The following SNRNP200 variants were observed in gnomAD, a reference collection of about 807,000 sequenced individuals.
The protein encoded by SNRNP200 is U5 small nuclear ribonucleoprotein 200 kDa helicase.
In SNRNP200, 66 loss-of-function variants were observed where a neutral mutation model predicts 255.2. The observed-to-expected ratio is 0.26, with a 90% confidence interval of 0.21 to 0.32. The LOEUF is 0.32. Among genes scored for constraint, SNRNP200 ranks in the 10% least tolerant of loss-of-function variants. The probability of loss-of-function intolerance (pLI) is 1.00; values close to 1 mark genes in which losing one functional copy is unlikely to be tolerated. For missense variants in SNRNP200, 1,585 were observed against 2,749.8 expected (o/e 0.58, Z 9.47); for synonymous variants, 939 against 1,027.8 (o/e 0.91, Z 1.65).
At chr2:96,275,875 G>A (rs577787938) in intron 43 of SNRNP200, among the ~76,000 whole-genome samples, 4 of 152,326 alleles carry the variant, frequency 2.6e-5, no homozygotes, top group East Asian at 1.9e-4. Context: ...GCATGGTGGC[G>A]GGTGCCTGTA....
At chr2:96,281,778 A>C in intron 35 of SNRNP200, 36 bp downstream of exon 35, 1 of 1,408,336 alleles carries the variant, frequency 7.1e-7, no homozygotes, top group South Asian at 1.1e-5. Flanking sequence ...TTTAGGAAGG[A>C]GGTCTGTGCT....
rs765045704 is a variant in SNRNP200 at position 96,278,203 on chromosome 2, C to T, written c.5610+34G>A. 8 of 1,613,918 alleles carry T rather than the reference C, an allele frequency of 5.0e-6. No homozygotes were observed. In the South Asian group the frequency reaches 8.8e-5, roughly 18 times the overall value. ...GGGCACACAGGCCGAGTTTGTTGTTCCCAGGATGCTCTCCTGAAGTCTGCT... is the reference window on the plus strand; with the variant it reads ...GGGCACACAGGCCGAGTTTGTTGTTTCCAGGATGCTCTCCTGAAGTCTGCT... On this transcript the variant is annotated intron_variant, in intron 39 of 44. Coordinates refer to ENST00000323853, the MANE Select transcript of SNRNP200 (RefSeq NM_014014.5). This position sits in a 1 kb window ranked among gnomAD's most constrained non-coding sequence, Gnocchi z 6.9.
chr2:96,287,654 AAC>A lies in SNRNP200; in HGVS notation c.3366-99_3366-98del, dbSNP rs373023905. The A allele has an allele frequency of 1.9e-5, 19 of 1,019,554 alleles. No homozygotes were observed. The South Asian group carries it at 2.4e-4, about 13-fold the overall frequency. The allele number at this position is 1,019,554 out of a possible 1,614,324, so 63.2% of individuals were successfully genotyped here. ...CAATAGTTTAGCAGTGACTACACAA[AAC>A]ACAGTCATTAAAGGCAGACACTGAC... On this transcript the variant is annotated intron_variant, in intron 25 of 44. Coordinates refer to ENST00000323853, the MANE Select transcript of SNRNP200 (RefSeq NM_014014.5). This position sits in a 1 kb window ranked among gnomAD's most constrained non-coding sequence, Gnocchi z 5.7.
rs918895374 is a variant in SNRNP200 at position 96,295,755 on chromosome 2, G to A, written c.1672-97C>T. 7 of 1,274,998 alleles carry A rather than the reference G, an allele frequency of 5.5e-6. No homozygotes were observed. In the South Asian group the frequency reaches 7.5e-5, roughly 14 times the overall value. 79.0% of individuals were successfully genotyped at this position (1,274,998 alleles called of 1,614,324 possible). A position where few individuals can be genotyped will look rare whatever the true frequency, so the allele number is the denominator to read the frequency against. On this transcript the variant is annotated intron_variant, in intron 13 of 44. Coordinates refer to ENST00000323853, the MANE Select transcript of SNRNP200 (RefSeq NM_014014.5). ...TTGGAGTGTAGGGCATTGGGAGCAG[G>A]TATCAACCCATCAGGTGAATACAAG...
At position 96,284,598 on chromosome 2, in the gene SNRNP200, G is replaced by A. The variant is rs1271345367; in HGVS notation, c.4165-13C>T. On this transcript the variant is annotated splice_polypyrimidine_tract_variant and intron_variant, in intron 30 of 44. Transcript: ENST00000323853. ...AGTCCATGTATACCTGGCGGGCAGA[G>A]GAGGGAGGCAGAACAACACTAGGCC... is the stretch of plus-strand genomic sequence containing the variant. The A allele has an allele frequency of 6.3e-7, 1 of 1,592,384 alleles. No individual in the cohort carries two copies. The highest frequency in any genetic ancestry group is 8.6e-7 in the Non-Finnish European group (1 of 1,160,208).
chr2:96,280,256 G>A (rs572100461), intron 35 of SNRNP200, among the ~76,000 whole-genome samples: 1 of 152,274 alleles, frequency 6.6e-6, no homozygotes, highest in East Asian at 1.9e-4. Context: ...CAGCACTTTG[G>A]GAGGCTGAGG....
chr2:96,304,899 G>T, intron 1 of SNRNP200, 31 bp from the exon 2 acceptor site: 3 of 1,606,430 alleles, frequency 1.9e-6, no homozygotes, highest in South Asian at 2.2e-5. Flanking sequence ...TTGAAGCTTT[G>T]ACATGAGCAG....
At chr2:96,301,473 G>A (rs1233041654) in intron 4 of SNRNP200, 51 bp downstream of exon 4, 1 of 1,553,920 alleles carries the variant, frequency 6.4e-7, no homozygotes, top group South Asian at 1.1e-5. Flanking sequence ...TGCATGTTTA[G>A]GGGTCAACAA....
intron 5 of SNRNP200, among the ~76,000 whole-genome samples, chr2:96,299,721 T>C (rs2063940990): frequency 6.6e-6 from 1 of 152,162 alleles, no homozygotes; most frequent in Non-Finnish European, 1.5e-5. Flanking sequence ...AAAACAGTGA[T>C]CAGCTAAGGA....
In SNRNP200 at chr2:96,279,531, G is replaced by A; in HGVS notation, c.5053C>T (p.Leu1685Phe). 6.2e-7 allele frequency: 1 copy of A among 1,613,558 alleles called. No individual in the cohort carries two copies. The highest frequency in any genetic ancestry group is 8.5e-7 in the Non-Finnish European group (1 of 1,179,504). Residue 1685 changes from leucine (L) to phenylalanine (F), a missense_variant, in exon 36 of 45, where the codon CTT becomes TTT. Physicochemically the swap from Leu to Phe is conservative, Grantham distance 22. Around this residue, in one of 9 missense-constraint regions of SNRNP200, gnomAD observed 719 missense variants for 1,091.1 expected, o/e 0.66. Coordinates refer to ENST00000323853, the MANE Select transcript of SNRNP200 (RefSeq NM_014014.5). The stretch of plus-strand genomic sequence containing the variant: ...CGGTTGGCGTGGCCCACCATCTGAA[G>A]CACGTCATAGATGGGGTAATCCACA... The part of the protein sequence containing the change: ...AYVDYPIYDV[L>F]QMVGHANRPL...
In SNRNP200 at chr2:96,278,496, C is replaced by T. The variant is rs761200383; in HGVS notation, c.5488+51G>A. 6.2e-7 allele frequency: 1 copy of T among 1,611,948 alleles called. No homozygotes were observed. Among genetic ancestry groups the T allele is most frequent in the South Asian group, 1.1e-5 (1 of 91,026 alleles). ...ACCTCTCATCCCAGTGGGCTCCTGACCCGTGTAAAAAGGCTCCCACAGACA... is the reference window on the plus strand; with the variant it reads ...ACCTCTCATCCCAGTGGGCTCCTGATCCGTGTAAAAAGGCTCCCACAGACA... On this transcript the variant is annotated intron_variant, in intron 38 of 44. Coordinates refer to ENST00000323853, the MANE Select transcript of SNRNP200 (RefSeq NM_014014.5). The surrounding 1 kb of genome is among the most constrained non-coding windows in gnomAD (Gnocchi z 6.9).
chr2:96,281,690 G>A (rs1684762199), intron 35 of SNRNP200, 124 bp downstream of exon 35: 1 of 794,838 alleles, frequency 1.3e-6, no homozygotes, highest in South Asian at 1.4e-5. Context: ...GGCTCTGGTG[G>A]CATCTCAGCT....
At chr2:96,281,943 G>A in intron 34 of SNRNP200, 21 bp from the exon 35 acceptor site, 2 of 1,589,134 alleles carry the variant, frequency 1.3e-6, no homozygotes, top group Non-Finnish European at 8.6e-7. Flanking sequence ...GAGGGGAGAG[G>A]AAGGCTGAGG....
chr2:96,285,550 G>A (rs1456112740), intron 29 of SNRNP200, among the ~76,000 whole-genome samples: 2 of 152,208 alleles, frequency 1.3e-5, no homozygotes, highest in Non-Finnish European at 2.9e-5. Context: ...AGTTAAAGGG[G>A]AAGAGGCCAA....
intron 31 of SNRNP200, 85 bp downstream of exon 31, chr2:96,284,273 G>T: frequency 1.6e-6 from 2 of 1,232,154 alleles, no homozygotes; most frequent in Non-Finnish European, 2.4e-6. Context: ...CCGAGCCTCC[G>T]TCCTCAGACC....
chr2:96,289,273 C>T lies in SNRNP200; in HGVS notation c.3047G>A (p.Arg1016Lys). 1 of 1,614,222 alleles carries T rather than the reference C, an allele frequency of 6.2e-7. No individual in the cohort carries two copies. Among genetic ancestry groups the T allele is most frequent in the Non-Finnish European group, 8.5e-7 (1 of 1,180,032 alleles). The change falls in exon 22 of 45, where the codon AGG becomes AAG. Residue 1016 changes from arginine (R) to lysine (K), a missense_variant. By Grantham distance (26) the Arg-to-Lys change is conservative. Around this residue, in one of 9 missense-constraint regions of SNRNP200, gnomAD observed 719 missense variants for 1,091.1 expected, o/e 0.66. Coordinates refer to ENST00000323853, the MANE Select transcript of SNRNP200 (RefSeq NM_014014.5). The stretch of plus-strand genomic sequence containing the variant: ...GAACTCAGAGGACAATGAGAAGACC[C>T]TGAAAAGCTCAATCTCACTCAGGGT... ...KPTLSEIELFRVFSLSSEFKN... is the reference protein window; with the variant it reads ...KPTLSEIELFKVFSLSSEFKN...
At position 96,277,315 on chromosome 2, in the gene SNRNP200, A is replaced by G; in HGVS notation, c.5932-74T>C. 1.3e-6 allele frequency: 2 copies of G among 1,521,724 alleles called. No homozygotes were observed. The highest frequency in any genetic ancestry group is 1.7e-4 in the Middle Eastern group (1 of 5,814). 94.3% of individuals were successfully genotyped at this position (1,521,724 alleles called of 1,614,324 possible). A position where few individuals can be genotyped will look rare whatever the true frequency, so the allele number is the denominator to read the frequency against. On this transcript the variant is annotated intron_variant, in intron 41 of 44. Coordinates refer to ENST00000323853, the MANE Select transcript of SNRNP200 (RefSeq NM_014014.5). This position sits in a 1 kb window ranked among gnomAD's most constrained non-coding sequence, Gnocchi z 4.4. ...CAAATGACACAGGCAGCAAAGAGCT[A>G]CTAATTTTACCTCCTACACTATCAA... is the stretch of plus-strand genomic sequence containing the variant.
chr2:96,287,873 C>T lies in SNRNP200; in HGVS notation c.3355G>A (p.Asp1119Asn), dbSNP rs756195450. 97 of 1,613,998 alleles carry T rather than the reference C, an allele frequency of 6.0e-5. No homozygotes were observed. The highest frequency in any genetic ancestry group is 7.8e-5 in the Non-Finnish European group (92 of 1,179,968). Residue 1119 changes from aspartate (D) to asparagine (N), a missense_variant, in exon 25 of 45, where the codon GAC (aspartate) becomes AAC (asparagine). Transcript: ENST00000323853. This position sits in a 1 kb window ranked among gnomAD's most constrained non-coding sequence, Gnocchi z 5.7. ...TCACTGGGTCCTTACATGCGTTTGT[C>T]GATCATCTTGCAGAGGTTCAGGGTC... The part of the protein sequence containing the change: ...DKTLNLCKMI[D>N]KRMWQSMCPL...
chr2:96,283,116 A>G lies in SNRNP200; in HGVS notation c.4915+85T>C. 1 of 1,542,042 alleles carries G rather than the reference A, an allele frequency of 6.5e-7. No individual in the cohort carries two copies. The highest frequency in any genetic ancestry group is 1.4e-5 in the African/African-American group (1 of 73,816). ...TGAAAATCTCTGGTATGCTGTAGAGAAAACACTGCCACCCGCACCCCTCAA... is the reference window on the plus strand; with the variant it reads ...TGAAAATCTCTGGTATGCTGTAGAGGAAACACTGCCACCCGCACCCCTCAA... On this transcript the variant is annotated intron_variant, in intron 34 of 44. Transcript: ENST00000323853. The surrounding 1 kb of genome is among the most constrained non-coding windows in gnomAD (Gnocchi z 4.7).
Sources: gnomAD v4.1 joint callset for allele counts (sites outside exome capture counted in the v4.1 genomes callset) on GRCh38, gnomAD v4.1.1 for gene constraint, gnomAD v4.1.1 regional missense constraint, Gnocchi (gnomAD v3.1) non-coding constraint, MANE v1.5 for transcripts, NCBI Gene and HGNC (gene_info 2026-07-23, HGNC 2026-07-21) for gene names.